Variants in RPS8 observed in about 807,000 individuals in gnomAD.
RPS8 encodes the protein small ribosomal subunit protein eS8.
For synonymous variants in RPS8, 100 were observed against 100.7 expected (o/e 0.99, Z 0.04); for missense variants, 141 against 269.7 (o/e 0.52, Z 3.34).
chr1:44,778,248 C>T (rs930931273), intron 5 of RPS8, 119 bp downstream of exon 5: 13 of 1,288,544 alleles, frequency 1.0e-5, no homozygotes, highest in Non-Finnish European at 1.5e-5. Flanking sequence ...TCACTGATAA[C>T]AGGCTGCGAG....
chr1:44,778,717 G>C lies in RPS8; in HGVS notation c.*32G>C. ...GTTTTGTCTTCACCCATGTAATAAA[G>C]GTGTTTATTGTTTTGTTCCCACATT... On this transcript the variant is annotated 3_prime_UTR_variant, in exon 6 of 6. Coordinates refer to ENST00000396651, the MANE Select transcript of RPS8 (RefSeq NM_001012.2). 1 of 1,409,430 alleles carries C rather than the reference G, an allele frequency of 7.1e-7. No individual in the cohort carries two copies. Among genetic ancestry groups the C allele is most frequent in the Non-Finnish European group, 9.9e-7 (1 of 1,012,690 alleles). 87.3% of individuals were successfully genotyped at this position (1,409,430 alleles called of 1,614,324 possible). A position where few individuals can be genotyped will look rare whatever the true frequency, so the allele number is the denominator to read the frequency against.
Position 44,778,561 on chromosome 1 carries a change from C to G in RPS8, c.518-15C>G. The G allele has an allele frequency of 6.2e-7, 1 of 1,605,490 alleles. No individual in the cohort carries two copies. The highest frequency in any genetic ancestry group is 8.5e-7 in the Non-Finnish European group (1 of 1,172,312). On this transcript the variant is annotated splice_polypyrimidine_tract_variant and intron_variant, in intron 5 of 5. Transcript: ENST00000396651. ...CACCTTGTCGTTGTGCTAAGGATCA[C>G]CTACTCTCTTGCAGCGTGCATCGCT...
Position 44,777,601 on chromosome 1 carries a change from C to T in RPS8, c.212-13C>T. ...CTCCAGTTTACTTGATGCCAAATTT[C>T]TCCTGTGAGCAGGTTGTACTCGTAA... On this transcript the variant is annotated splice_polypyrimidine_tract_variant and intron_variant, in intron 3 of 5. Transcript: ENST00000396651. 6.2e-7 allele frequency: 1 copy of T among 1,608,266 alleles called. No homozygotes were observed.
chr1:44,775,835 C>G (rs759235273), intron 1 of RPS8, 199 bp from the exon 2 acceptor site: 2 of 783,338 alleles, frequency 2.6e-6, no homozygotes, highest in East Asian at 2.5e-5. Context: ...ACATGGCTGC[C>G]GCGAGGAGGA....
chr1:44,775,961 GT>G (rs1650834211), intron 1 of RPS8, 72 bp from the exon 2 acceptor site: 1 of 1,413,654 alleles, frequency 7.1e-7, no homozygotes, highest in East Asian at 2.3e-5. Context: ...CGGCGCGGGG[GT>G]CTCCGGGAGC....
At chr1:44,776,830 T>A in intron 3 of RPS8, 56 bp downstream of exon 3, 1 of 1,367,940 alleles carries the variant, frequency 7.3e-7, no homozygotes, top group Admixed American at 2.2e-5. Context: ...GTCTTAAGAT[T>A]CACCAAGTGG....
Position 44,778,616 on chromosome 1 carries a change from T to C in RPS8, c.558T>C (p.Asp186=). ...GGCCGGGACAGTGTGGCCGAGCAGA[T>C]GGCTATGTGCTAGAGGGCAAAGAGT... is the stretch of plus-strand genomic sequence containing the variant. ...ASRPGQCGRA[D]GYVLEGKELE... Residue 186 remains aspartate, a synonymous_variant, in exon 6 of 6, where the codon GAT becomes GAC. Coordinates refer to ENST00000396651, the MANE Select transcript of RPS8 (RefSeq NM_001012.2). 1 of 1,613,958 alleles carries C rather than the reference T, an allele frequency of 6.2e-7. No individual in the cohort carries two copies. Among genetic ancestry groups the C allele is most frequent in the Non-Finnish European group, 8.5e-7 (1 of 1,179,992 alleles).
chr1:44,778,138 G>GC lies in RPS8; in HGVS notation c.517+10dup. ...GCAGGGCAAGCTTCTTGGTGAGAAG[G>GC]CTGTTGTGTTGGAGGTGGGGAGTCG... On this transcript the variant is annotated intron_variant, in intron 5 of 5. Transcript: ENST00000396651. The GC allele has an allele frequency of 1.3e-6, 2 of 1,591,042 alleles. No individual in the cohort carries two copies. The highest frequency in any genetic ancestry group is 1.7e-6 in the Non-Finnish European group (2 of 1,168,566).
chr1:44,778,226 A>G (rs2148843618), intron 5 of RPS8, 97 bp downstream of exon 5: 1 of 1,457,568 alleles, frequency 6.9e-7, no homozygotes, highest in Admixed American at 1.8e-5. Context: ...CCAGCCATGC[A>G]GTCTAAAGGG....
chr1:44,775,687 G>T, intron 1 of RPS8, 87 bp downstream of exon 1: 3 of 1,546,976 alleles, frequency 1.9e-6, no homozygotes, highest in Non-Finnish European at 2.7e-6. Flanking sequence ...GAGGAGTCCA[G>T]ACGCCCCGAC....
rs866956902 is a variant in RPS8 at position 44,775,756 on chromosome 1, T to A, written c.4+156T>A. On this transcript the variant is annotated intron_variant, in intron 1 of 5. Coordinates refer to ENST00000396651, the MANE Select transcript of RPS8 (RefSeq NM_001012.2). ...CCTCGGGTTTCGGCCGCCCAGCCCG[T>A]CTCTGGGGGCTGCGAAGGCTCTGGG... 20 of 1,052,574 alleles carry A rather than the reference T, an allele frequency of 1.9e-5. No individual in the cohort carries two copies. In the African/African-American group the frequency reaches 2.5e-4, roughly 13 times the overall value. 65.2% of individuals were successfully genotyped at this position (1,052,574 alleles called of 1,614,324 possible).
intron 5 of RPS8, 131 bp downstream of exon 5, chr1:44,778,260 A>C (rs1279925638): frequency 3.5e-6 from 4 of 1,155,428 alleles, no homozygotes; most frequent in Non-Finnish European, 5.2e-6. Context: ...GGCTGCGAGC[A>C]CAAAGGGGAA....
intron 2 of RPS8, 52 bp from the exon 3 acceptor site, chr1:44,776,623 A>G: frequency 6.6e-7 from 1 of 1,510,320 alleles, no homozygotes; most frequent in Non-Finnish European, 9.2e-7. Flanking sequence ...CCTCTCCCTC[A>G]CTTGCCTTGC....
chr1:44,777,910 G>A, intron 4 of RPS8, 90 bp from the exon 5 acceptor site: 2 of 1,584,338 alleles, frequency 1.3e-6, no homozygotes, highest in South Asian at 2.2e-5. Context: ...TTAGGCTGAG[G>A]AAGGCCAGCA....
At chr1:44,778,285 A>AAGC in intron 5 of RPS8, 156 bp downstream of exon 5, 1 of 964,518 alleles carries the variant, frequency 1.0e-6, no homozygotes, top group Non-Finnish European at 1.7e-6. Flanking sequence ...TGGTCACCCT[A>AAGC]TTCGTATGAA....
chr1:44,775,959 G>T (rs771786091), intron 1 of RPS8, 75 bp from the exon 2 acceptor site: 212 of 1,392,636 alleles, frequency 1.5e-4, no homozygotes, highest in Non-Finnish European at 2.1e-4. Context: ...CCCGGCGCGG[G>T]GGTCTCCGGG....
chr1:44,778,543 T>A, intron 5 of RPS8, 33 bp from the exon 6 acceptor site: 1 of 1,567,366 alleles, frequency 6.4e-7, no homozygotes, highest in Non-Finnish European at 8.8e-7. Flanking sequence ...GGCCACCTTG[T>A]CGTTGTGCTA....
chr1:44,778,558 T>A lies in RPS8; in HGVS notation c.518-18T>A. On this transcript the variant is annotated intron_variant, in intron 5 of 5. Coordinates refer to ENST00000396651, the MANE Select transcript of RPS8 (RefSeq NM_001012.2). ...GGCCACCTTGTCGTTGTGCTAAGGA[T>A]CACCTACTCTCTTGCAGCGTGCATC... 6.2e-7 allele frequency: 1 copy of A among 1,602,676 alleles called. No homozygotes were observed. Among genetic ancestry groups the A allele is most frequent in the Non-Finnish European group, 8.5e-7 (1 of 1,169,756 alleles).
intron 3 of RPS8, 38 bp downstream of exon 3, chr1:44,776,812 C>G: frequency 6.8e-7 from 1 of 1,478,140 alleles, no homozygotes; most frequent in South Asian, 1.2e-5. Flanking sequence ...GGAAAACGCA[C>G]CTAAACGGTC....
Sources: allele counts gnomAD v4.1 joint callset, GRCh38; gene constraint gnomAD v4.1.1; transcripts MANE v1.5; gene names NCBI Gene and HGNC (gene_info 2026-07-23, HGNC 2026-07-21).